TTLL6: variants seen among roughly 807,000 people sequenced by gnomAD.
TTLL6 encodes tubulin tyrosine ligase like 6.
Under a neutral mutation model 96.4 loss-of-function variants are expected in TTLL6, and 75 were observed. The ratio of observed to expected loss-of-function variants is 0.78; its 90% CI spans 0.65 to 0.94. TTLL6 has a LOEUF of 0.94. Ranked by LOEUF, TTLL6 falls within the 40% of genes least tolerant of loss-of-function variation. The pLI is 0.00. For synonymous variants in TTLL6, 411 were observed against 419.4 expected (o/e 0.98, Z 0.24); for missense variants, 1,030 against 1,093.0 (o/e 0.94, Z 0.81).
intron 6 of TTLL6, 134 bp downstream of exon 6, chr17:48,799,470 A>G: frequency 1.1e-6 from 1 of 908,716 alleles, no homozygotes; most frequent in Non-Finnish European, 1.7e-6. Flanking sequence ...TTGGTCTGAC[A>G]AAGTGCAAGG....
At chr17:48,767,705 T>C (rs559461593) in intron 15 of TTLL6, among the ~76,000 whole-genome samples, 2 of 152,296 alleles carry the variant, frequency 1.3e-5, no homozygotes, top group African/African-American at 4.8e-5. Flanking sequence ...AGCTCTATGT[T>C]GTGGAGTTCT....
chr17:48,790,073 G>A lies in TTLL6; in HGVS notation c.1258C>T (p.Arg420Trp), dbSNP rs147721948. 2.8e-5 allele frequency: 45 copies of A among 1,613,944 alleles called. No homozygotes were observed. The highest frequency in any genetic ancestry group is 1.1e-4 in the African/African-American group (8 of 74,926). Reference sequence around the variant, plus strand: ...CCATCTTTCACCTCTTTATCCAACCGAGAGTCGGTGGAGAAGCTTGGAGAG... The same window carrying A: ...CCATCTTTCACCTCTTTATCCAACCAAGAGTCGGTGGAGAAGCTTGGAGAG... ...NHSPSFSTDS[R>W]LDKEVKDGLL... Residue 420 changes from arginine to tryptophan, a missense_variant, in exon 10 of 16, where the codon CGG becomes TGG. Coordinates refer to ENST00000393382, the MANE Select transcript of TTLL6 (RefSeq NM_001130918.3).
rs1597956211 is a variant in TTLL6 at position 48,768,895 on chromosome 17, A to G, written c.*94T>C. 6 of 1,315,708 alleles carry G rather than the reference A, an allele frequency of 4.6e-6. No individual in the cohort carries two copies. The East Asian group carries it at 1.4e-4, about 30-fold the overall frequency. The allele number at this position is 1,315,708 out of a possible 1,614,324, so 81.5% of individuals were successfully genotyped here. A position where few individuals can be genotyped will look rare whatever the true frequency, so the allele number is the denominator to read the frequency against. ...GTCTACTTACCTGTATGTCTTTATC[A>G]ATCCATCCATCCTCCTACCTACCCA... On this transcript the variant is annotated intron_variant, in intron 15 of 15. Coordinates refer to ENST00000393382, the MANE Select transcript of TTLL6 (RefSeq NM_001130918.3).
chr17:48,802,126 GAAAGAAAGAAAGAAAGAAAGAA>G (rs1488393922), intron 3 of TTLL6, among the ~76,000 whole-genome samples: 2 of 112,662 alleles, frequency 1.8e-5, no homozygotes, highest in Admixed American at 8.6e-5. Flanking sequence ...AAGAAAGAAA[GAAAGAAAGAAAGAAAGAAAGAA>G]AGAAAATAAA....
At position 48,773,528 on chromosome 17, in the gene TTLL6, C is replaced by T. The variant is rs2038793810; in HGVS notation, c.2041-3431G>A. 1.3e-5 allele frequency among the ~76,000 whole-genome samples: 2 copies of T among 152,078 alleles called. 1 individual carries two copies. The highest frequency in any genetic ancestry group is 4.1e-4 in the South Asian group (2 of 4,822). On this transcript the variant is annotated intron_variant, in intron 13 of 15. Coordinates refer to ENST00000393382, the MANE Select transcript of TTLL6 (RefSeq NM_001130918.3). ...CTTGAGGTCAGGAGTTTGAGACCAG[C>T]CCGGCCAACATGGTAAAACCCAGAC...
At chr17:48,789,116 T>TAA (rs5820726) in intron 10 of TTLL6, among the ~76,000 whole-genome samples, 6 of 145,580 alleles carry the variant, frequency 4.1e-5, no homozygotes, top group Non-Finnish European at 6.0e-5. Flanking sequence ...TTCTTTATAG[T>TAA]AAAAAAAAAA....
At chr17:48,791,694 G>A (rs2039228681) in intron 8 of TTLL6, 91 bp from the exon 9 acceptor site, 1 of 1,135,432 alleles carries the variant, frequency 8.8e-7, no homozygotes, top group Non-Finnish European at 1.3e-6. Flanking sequence ...TCCTGGCGGA[G>A]ACAAGGCTCC....
chr17:48,773,388 G>C (rs531247108), intron 13 of TTLL6, among the ~76,000 whole-genome samples: 2 of 152,252 alleles, frequency 1.3e-5, no homozygotes, highest in African/African-American at 4.8e-5. Flanking sequence ...CCATACTCTG[G>C]TTTCTCTTTA....
Position 48,789,969 on chromosome 17 carries a change from C to T in TTLL6, c.1362G>A (p.Arg454=), listed in dbSNP as rs200684036. 2.0e-5 allele frequency: 33 copies of T among 1,614,158 alleles called. No individual in the cohort carries two copies. The African/African-American group carries it at 4.3e-4, about 21-fold the overall frequency. ...KKKVLEEERQ[R]GQFLQQCCSR... is the part of the protein sequence containing the mutation. ...AACAACACTGCTGCAGGAACTGCCC[C>T]CGTTGTCTCTCCTCCTCCAAGACTT... Residue 454 remains arginine, a synonymous_variant, in exon 10 of 16, where the codon CGG becomes CGA. Coordinates refer to ENST00000393382, the MANE Select transcript of TTLL6 (RefSeq NM_001130918.3).
At chr17:48,778,372 T>C (rs1039806874) in intron 13 of TTLL6, among the ~76,000 whole-genome samples, 3 of 150,786 alleles carry the variant, frequency 2.0e-5, no homozygotes, top group African/African-American at 7.3e-5. Context: ...ACAAGAAAAA[T>C]TGATAAACTT....
At chr17:48,810,823 GTGTATATA>G (rs1380369564) in intron 1 of TTLL6, among the ~76,000 whole-genome samples, 1,762 of 65,794 alleles carry the variant, frequency 0.027, 109 homozygotes, top group African/African-American at 0.1. Context: ...TAGTATGTGT[GTGTATATA>G]TATATATATA....
intron 11 of TTLL6, 86 bp from the exon 12 acceptor site, chr17:48,786,421 G>T (rs2039097095): frequency 6.5e-7 from 1 of 1,543,848 alleles, no homozygotes; most frequent in African/African-American, 1.4e-5. Context: ...GACATGACTG[G>T]GCGAAAAGTT....
At chr17:48,801,226 G>A (rs749528218) in intron 5 of TTLL6, 29 bp downstream of exon 5, 2 of 1,541,562 alleles carry the variant, frequency 1.3e-6, no homozygotes, top group South Asian at 2.4e-5. Context: ...GGGGAGTGGA[G>A]AAGGAAGTAC....
intron 15 of TTLL6, among the ~76,000 whole-genome samples, chr17:48,763,643 A>G (rs1280968204): frequency 6.6e-6 from 1 of 152,096 alleles, no homozygotes; most frequent in African/African-American, 2.4e-5. Context: ...CTAAAGCTAC[A>G]TCCAAACATT....
At chr17:48,777,497 G>A (rs368105236) in intron 13 of TTLL6, among the ~76,000 whole-genome samples, 2 of 152,074 alleles carry the variant, frequency 1.3e-5, no homozygotes, top group African/African-American at 4.8e-5. Context: ...TTGGGAGGCC[G>A]AGGCGGGTGG....
chr17:48,792,143 G>A (rs868287531), intron 8 of TTLL6, among the ~76,000 whole-genome samples: 3 of 152,160 alleles, frequency 2.0e-5, no homozygotes, highest in African/African-American at 7.2e-5. Context: ...ACTGTGCCAG[G>A]CAAACTGGAC....
chr17:48,767,012 G>T (rs549637138), intron 15 of TTLL6, among the ~76,000 whole-genome samples: 1 of 152,260 alleles, frequency 6.6e-6, no homozygotes, highest in African/African-American at 2.4e-5. Context: ...GCAGTGGCGT[G>T]ATCTCGGCTC....
At chr17:48,782,012 G>A (rs928957282) in intron 13 of TTLL6, among the ~76,000 whole-genome samples, 44 of 152,018 alleles carry the variant, frequency 2.9e-4, no homozygotes, top group Non-Finnish European at 1.2e-4. Flanking sequence ...TATAAATTAC[G>A]CAGTCTAAGG....
intron 3 of TTLL6, among the ~76,000 whole-genome samples, chr17:48,802,130 G>T (rs1277750392): frequency 5.7e-5 from 6 of 105,686 alleles, no homozygotes; most frequent in Non-Finnish European, 7.1e-5. Context: ...AAGAAAGAAA[G>T]AAAGAAAGAA....
Sources: gnomAD v4.1 joint callset for allele counts (sites outside exome capture counted in the v4.1 genomes callset) on GRCh38, gnomAD v4.1.1 for gene constraint, MANE v1.5 for transcripts, NCBI Gene and HGNC (gene_info 2026-07-23, HGNC 2026-07-21) for gene names.